DCC: variants seen among roughly 807,000 people sequenced by gnomAD.
DCC encodes the protein netrin receptor DCC.
A neutral mutation model predicts 172.5 loss-of-function variants in DCC; 58 were observed. The ratio of observed to expected loss-of-function variants is 0.34; its 90% CI spans 0.27 to 0.42. The LOEUF (loss-of-function observed/expected upper bound fraction) is 0.42, where lower values mean the gene tolerates loss of function less well. Among genes scored for constraint, DCC ranks in the 10% least tolerant of loss-of-function variants. The pLI is 1.00. For missense variants in DCC, 1,740 were observed against 1,791.0 expected (o/e 0.97, Z 0.51); for synonymous variants, 709 against 644.5 (o/e 1.10, Z -1.52).
At chr18:53,369,636 G>A (rs1299227313) in intron 15 of DCC, among the ~76,000 whole-genome samples, 1 of 151,804 alleles carries the variant, frequency 6.6e-6, no homozygotes, top group African/African-American at 2.4e-5. Context: ...TTATTATGTT[G>A]AGATAATTTC....
At chr18:52,456,422 C>A (rs568656732) in intron 1 of DCC, among the ~76,000 whole-genome samples, 14 of 152,060 alleles carry the variant, frequency 9.2e-5, no homozygotes, top group African/African-American at 3.4e-4. Flanking sequence ...GGAAAGCAGA[C>A]CCTTTCCTGG....
intron 25 of DCC, 49 bp from the exon 26 acceptor site, chr18:53,486,748 G>C: frequency 6.2e-7 from 1 of 1,613,220 alleles, no homozygotes; most frequent in Non-Finnish European, 8.5e-7. Flanking sequence ...TTTGCTTGTT[G>C]AGTGAATACA....
chr18:53,355,848 A>G (rs557212686), intron 15 of DCC, among the ~76,000 whole-genome samples: 1 of 152,248 alleles, frequency 6.6e-6, no homozygotes, highest in African/African-American at 2.4e-5. Context: ...GCTTTGAAGA[A>G]TTATGTCCTT....
intron 1 of DCC, among the ~76,000 whole-genome samples, chr18:52,639,293 A>G (rs185866139): frequency 1.6e-4 from 24 of 152,258 alleles, no homozygotes; most frequent in Admixed American, 3.9e-4. Flanking sequence ...CAAGCAGAAG[A>G]GAGGAAATAA....
In DCC at chr18:53,063,290, T is replaced by C; in HGVS notation, c.986-15T>C. ...CCCCACCCACTCACTCACTTTTTTTTTTCTGTCTTTGCAGTTCCGCCATGG... is the reference window on the plus strand; with the variant it reads ...CCCCACCCACTCACTCACTTTTTTTCTTCTGTCTTTGCAGTTCCGCCATGG... On this transcript the variant is annotated splice_polypyrimidine_tract_variant and intron_variant, in intron 5 of 28. Coordinates refer to ENST00000442544, the MANE Select transcript of DCC (RefSeq NM_005215.4). 1 of 1,613,158 alleles carries C rather than the reference T, an allele frequency of 6.2e-7. No homozygotes were observed. The highest frequency in any genetic ancestry group is 8.5e-7 in the Non-Finnish European group (1 of 1,179,338).
At chr18:53,182,300 C>T (rs2055209819) in intron 9 of DCC, among the ~76,000 whole-genome samples, 1 of 152,084 alleles carries the variant, frequency 6.6e-6, no homozygotes, top group African/African-American at 2.4e-5. Context: ...CATATTTTGG[C>T]CTTTAGTAAC....
intron 12 of DCC, among the ~76,000 whole-genome samples, chr18:53,258,784 T>G (rs1019360806): frequency 6.6e-6 from 1 of 152,146 alleles, no homozygotes; most frequent in African/African-American, 2.4e-5. Context: ...TTTCTGTCTC[T>G]TTGATCTATC....
At chr18:53,326,686 A>G (rs1240130235) in intron 14 of DCC, among the ~76,000 whole-genome samples, 1 of 152,234 alleles carries the variant, frequency 6.6e-6, no homozygotes, top group Non-Finnish European at 1.5e-5. Flanking sequence ...AAAATAAGGT[A>G]TAAATGACTT....
chr18:53,109,228 T>C (rs2043295522), intron 7 of DCC, among the ~76,000 whole-genome samples: 1 of 151,402 alleles, frequency 6.6e-6, no homozygotes, highest in African/African-American at 2.4e-5. Flanking sequence ...TTGTCTATTT[T>C]TAGATTGATA....
At chr18:53,364,814 G>A (rs141524584) in intron 15 of DCC, among the ~76,000 whole-genome samples, 1,573 of 152,098 alleles carry the variant, frequency 0.01, 14 homozygotes, top group Non-Finnish European at 0.016. Context: ...TTGTAAAGGT[G>A]TCCTAACCAT....
chr18:52,342,276 T>TGTGA (rs1555671840), intron 1 of DCC, among the ~76,000 whole-genome samples: 1 of 109,024 alleles, frequency 9.2e-6, no homozygotes, highest in Non-Finnish European at 2.1e-5. Flanking sequence ...GGTGTGTGTG[T>TGTGA]GTGCGTGTGT....
At chr18:53,269,109 T>TGCATGCAC in intron 12 of DCC, among the ~76,000 whole-genome samples, 1 of 152,280 alleles carries the variant, frequency 6.6e-6, no homozygotes, top group Non-Finnish European at 1.5e-5. Context: ...TGTGTGTGTG[T>TGCATGCAC]GCATGCACGC....
At chr18:52,388,127 G>A (rs924885713) in intron 1 of DCC, among the ~76,000 whole-genome samples, 1 of 151,996 alleles carries the variant, frequency 6.6e-6, no homozygotes, top group Non-Finnish European at 1.5e-5. Context: ...GGACCCAGTG[G>A]CGAGCTTTGG....
intron 12 of DCC, among the ~76,000 whole-genome samples, chr18:53,247,537 T>C (rs1250129739): frequency 6.6e-6 from 1 of 151,444 alleles, no homozygotes; most frequent in East Asian, 2.0e-4. Context: ...GCTTTGACAA[T>C]TAAAGAGAAA....
At chr18:53,397,214 T>A in intron 17 of DCC, 94 bp from the exon 18 acceptor site, 1 of 1,202,634 alleles carries the variant, frequency 8.3e-7, no homozygotes, top group South Asian at 1.2e-5. Context: ...AGATTACTTT[T>A]GTGTTAGCTT....
chr18:52,457,732 C>A (rs920839657), intron 1 of DCC, among the ~76,000 whole-genome samples: 2 of 152,100 alleles, frequency 1.3e-5, no homozygotes, highest in Non-Finnish European at 2.9e-5. Flanking sequence ...TTACACAATA[C>A]CTGCAATTAA....
At chr18:53,000,937 A>G (rs2041556107) in intron 5 of DCC, among the ~76,000 whole-genome samples, 1 of 151,820 alleles carries the variant, frequency 6.6e-6, no homozygotes, top group Non-Finnish European at 1.5e-5. Context: ...CTACATTCTG[A>G]GGGTTTTTTT....
At chr18:53,314,786 A>G (rs973297837) in intron 13 of DCC, among the ~76,000 whole-genome samples, 1 of 152,168 alleles carries the variant, frequency 6.6e-6, no homozygotes, top group African/African-American at 2.4e-5. Context: ...GAGTGACCTG[A>G]GGCACTAATC....
At chr18:52,797,999 C>T (rs979785581) in intron 2 of DCC, among the ~76,000 whole-genome samples, 8 of 143,396 alleles carry the variant, frequency 5.6e-5, no homozygotes, top group African/African-American at 2.0e-4. Flanking sequence ...CCATATGGTG[C>T]CTTTGGAGGG....
Sources: allele counts gnomAD v4.1 joint callset (sites outside exome capture counted in the v4.1 genomes callset), GRCh38; gene constraint gnomAD v4.1.1; transcripts MANE v1.5; gene names NCBI Gene and HGNC (gene_info 2026-07-23, HGNC 2026-07-21).